TRABD2B: variants seen among roughly 807,000 people sequenced by gnomAD.
TRABD2B encodes TraB domain containing 2B, also known as metalloprotease TIKI2.
In TRABD2B, 14 loss-of-function variants were observed where a neutral mutation model predicts 40.1. That is an observed-to-expected ratio of 0.35 (90% CI 0.23 to 0.55). The LOEUF (loss-of-function observed/expected upper bound fraction) is 0.55, where lower values mean the gene tolerates loss of function less well. Among genes scored for constraint, TRABD2B ranks in the 20% least tolerant of loss-of-function variants. The probability of loss-of-function intolerance (pLI) is 0.90; values close to 1 mark genes in which losing one functional copy is unlikely to be tolerated. For missense variants in TRABD2B, 541 were observed against 648.6 expected, an observed-to-expected ratio of 0.83 and a Z score of 1.80; for synonymous variants, 263 against 277.0, an observed-to-expected ratio of 0.95 and a Z score of 0.50.
At chr1:47,834,481 C>T (rs1207955827) in intron 2 of TRABD2B, among the ~76,000 whole-genome samples, 2 of 152,048 alleles carry the variant, frequency 1.3e-5, no homozygotes, top group African/African-American at 2.4e-5. Context: ...CTCACCTCTG[C>T]TAACCTTGAG....
intron 2 of TRABD2B, among the ~76,000 whole-genome samples, chr1:47,812,044 T>G (rs1008950894): frequency 4.6e-5 from 7 of 152,238 alleles, no homozygotes; most frequent in African/African-American, 1.4e-4. Context: ...TGTTCCCCAG[T>G]GATGGGGCTC....
At chr1:47,887,251 T>C (rs1318575582) in intron 2 of TRABD2B, among the ~76,000 whole-genome samples, 1 of 152,178 alleles carries the variant, frequency 6.6e-6, no homozygotes, top group Middle Eastern at 3.2e-3. Context: ...CAACTGAGGC[T>C]CAGAGAGGTT....
chr1:47,994,670 C>G lies in TRABD2B; in HGVS notation c.103-73G>C. The G allele has an allele frequency of 2.9e-6, 4 of 1,367,114 alleles. No individual in the cohort carries two copies. The highest frequency in any genetic ancestry group is 3.9e-6 in the Non-Finnish European group (4 of 1,016,496). 84.7% of individuals were successfully genotyped at this position (1,367,114 alleles called of 1,614,324 possible). On this transcript the variant is annotated intron_variant, in intron 1 of 6. Transcript: ENST00000606738. This position sits in a 1 kb window ranked among gnomAD's most constrained non-coding sequence, Gnocchi z 6.7. ...GTAGAGTCAGGGTAGCCCAGAGGCA[C>G]GTTGCAGAGGGAGGTGGGGATGGGA...
intron 6 of TRABD2B, 119 bp from the exon 7 acceptor site, chr1:47,766,225 C>G (rs576816671): frequency 4.7e-6 from 3 of 632,958 alleles, no homozygotes; most frequent in Admixed American, 2.4e-5. Context: ...GAGAAGGGAA[C>G]AAGGAGCTTG....
intron 2 of TRABD2B, among the ~76,000 whole-genome samples, chr1:47,902,808 T>G (rs1557646754): frequency 6.6e-6 from 1 of 152,212 alleles, no homozygotes; most frequent in Non-Finnish European, 1.5e-5. Flanking sequence ...CATTCTTTAG[T>G]ACATGTGGCT....
At chr1:47,926,188 T>A (rs991784449) in intron 2 of TRABD2B, among the ~76,000 whole-genome samples, 1 of 152,210 alleles carries the variant, frequency 6.6e-6, no homozygotes, top group South Asian at 2.1e-4. Flanking sequence ...TAAAAAGGAA[T>A]CATTCCTTCT....
intron 2 of TRABD2B, among the ~76,000 whole-genome samples, chr1:47,866,426 C>A (rs1484166636): frequency 6.6e-6 from 1 of 152,190 alleles, no homozygotes; most frequent in African/African-American, 2.4e-5. Flanking sequence ...GACCATTTCT[C>A]TACACCCTAC....
At position 47,766,005 on chromosome 1, in the gene TRABD2B, G is replaced by A. The variant is rs895606984; in HGVS notation, c.1451C>T (p.Pro484Leu). ...QLSDQLQQQD[P>L]PGPASSSAPT... ...TGCCGAGCTGCTGGCGGGCCCTGGCGGGTCCTGCTGTTGTAGCTGGTCTGA... is the reference window on the plus strand; with the variant it reads ...TGCCGAGCTGCTGGCGGGCCCTGGCAGGTCCTGCTGTTGTAGCTGGTCTGA... Residue 484 changes from proline to leucine, a missense_variant, in exon 7 of 7, where the codon CCG (proline) becomes CTG (leucine). Around this residue, in one of 2 missense-constraint regions of TRABD2B, gnomAD observed 172 missense variants for 155.8 expected, o/e 1.10. Coordinates refer to ENST00000606738, the MANE Select transcript of TRABD2B (RefSeq NM_001194986.2). 4.0e-5 allele frequency: 28 copies of A among 697,786 alleles called. No individual in the cohort carries two copies. Among genetic ancestry groups the A allele is most frequent in the East Asian group, 1.1e-4 (4 of 37,238 alleles). The allele number at this position is 697,786 out of a possible 1,614,324, so 43.2% of individuals were successfully genotyped here.
At chr1:47,772,342 G>A (rs1045698304) in intron 6 of TRABD2B, among the ~76,000 whole-genome samples, 2 of 151,856 alleles carry the variant, frequency 1.3e-5, no homozygotes, top group African/African-American at 2.4e-5. Flanking sequence ...GGAGCAGGAC[G>A]AAGGTGTGGA....
intron 2 of TRABD2B, among the ~76,000 whole-genome samples, chr1:47,977,084 T>C (rs1429636834): frequency 6.6e-6 from 1 of 151,600 alleles, no homozygotes; most frequent in African/African-American, 2.4e-5. Context: ...TTTTTTTTTT[T>C]TCCCGCGAGA....
At chr1:47,770,879 C>A (rs1002377865) in intron 6 of TRABD2B, among the ~76,000 whole-genome samples, 1 of 152,208 alleles carries the variant, frequency 6.6e-6, no homozygotes, top group Non-Finnish European at 1.5e-5. Flanking sequence ...GGTGTCAATA[C>A]CAGCTGCAAC....
intron 2 of TRABD2B, among the ~76,000 whole-genome samples, chr1:47,929,242 T>G (rs1384045666): frequency 6.6e-6 from 1 of 152,220 alleles, no homozygotes; most frequent in East Asian, 1.9e-4. Context: ...CCTGCACTTG[T>G]GTGACTTGAA....
intron 2 of TRABD2B, among the ~76,000 whole-genome samples, chr1:47,984,244 C>T (rs959601430): frequency 6.6e-6 from 1 of 152,252 alleles, no homozygotes; most frequent in Non-Finnish European, 1.5e-5. Context: ...CCGCCTCCTC[C>T]ACCGCAGGAA....
intron 2 of TRABD2B, among the ~76,000 whole-genome samples, chr1:47,846,803 C>T (rs1280883652): frequency 1.3e-5 from 2 of 151,346 alleles, no homozygotes; most frequent in African/African-American, 2.4e-5. Flanking sequence ...TGATTCACAC[C>T]TGTAACACAT....
chr1:47,790,835 C>T lies in TRABD2B; in HGVS notation c.988+3751G>A, dbSNP rs544249837. On this transcript the variant is annotated intron_variant, in intron 4 of 6. Coordinates refer to ENST00000606738, the MANE Select transcript of TRABD2B (RefSeq NM_001194986.2). ...AGTAAGGGCTTTTATGATAAGAACC[C>T]TTCCACCATGGAAGAGCATTTTAAT... Among the ~76,000 whole-genome samples, 9 of 152,322 alleles carry T rather than the reference C, an allele frequency of 5.9e-5. No individual in the cohort carries two copies. In the South Asian group the frequency reaches 1.7e-3, roughly 28 times the overall value.
At chr1:47,821,957 C>T (rs149482491) in intron 2 of TRABD2B, among the ~76,000 whole-genome samples, 190 of 152,290 alleles carry the variant, frequency 1.2e-3, no homozygotes, top group African/African-American at 4.5e-3. Context: ...AATGTAACTG[C>T]CTACCCCTGG....
At chr1:47,987,198 T>C (rs563265326) in intron 2 of TRABD2B, among the ~76,000 whole-genome samples, 1 of 152,100 alleles carries the variant, frequency 6.6e-6, no homozygotes, top group African/African-American at 2.4e-5. Context: ...GGAGAGCGGG[T>C]TGGGGGAAGA....
intron 2 of TRABD2B, among the ~76,000 whole-genome samples, chr1:47,846,857 TACACACACACACACAC>T (rs67359073): frequency 4.7e-5 from 5 of 106,394 alleles, no homozygotes; most frequent in Non-Finnish European, 6.5e-5. Flanking sequence ...AAAACATGCA[TACACACACACACACAC>T]ACACACACAC....
chr1:47,861,541 C>A (rs1643970988), intron 2 of TRABD2B, among the ~76,000 whole-genome samples: 1 of 152,032 alleles, frequency 6.6e-6, no homozygotes, highest in Non-Finnish European at 1.5e-5. Flanking sequence ...CTTGAAAGAC[C>A]CACAATCTGC....
Sources: gnomAD v4.1 joint callset for allele counts (sites outside exome capture counted in the v4.1 genomes callset) on GRCh38, gnomAD v4.1.1 for gene constraint, gnomAD v4.1.1 regional missense constraint, Gnocchi (gnomAD v3.1) non-coding constraint, MANE v1.5 for transcripts, NCBI Gene and HGNC (gene_info 2026-07-23, HGNC 2026-07-21) for gene names.